LYST: variants seen among roughly 807,000 people sequenced by gnomAD.
LYST encodes the protein lysosomal-trafficking regulator.
A neutral mutation model predicts 413.6 loss-of-function variants in LYST; 192 were observed. The ratio of observed to expected loss-of-function variants is 0.46; its 90% CI spans 0.41 to 0.52. The LOEUF (loss-of-function observed/expected upper bound fraction) is 0.52. LYST is among the 20% of genes least tolerant of loss of function. LYST has a pLI of 0.00. For missense variants in LYST, 3,815 were observed against 4,499.9 expected, an observed-to-expected ratio of 0.85 and a Z score of 4.35; for synonymous variants, 1,525 against 1,567.3, an observed-to-expected ratio of 0.97 and a Z score of 0.64.
chr1:235,872,327 G>A (rs1680965138), intron 1 of LYST, among the ~76,000 whole-genome samples: 1 of 147,118 alleles, frequency 6.8e-6, no homozygotes, highest in Non-Finnish European at 1.5e-5. Flanking sequence ...AAAGTTTTAT[G>A]TAACATGGAA....
chr1:235,767,780 G>A (rs1336595589), intron 20 of LYST, among the ~76,000 whole-genome samples: 1 of 152,014 alleles, frequency 6.6e-6, no homozygotes, highest in Non-Finnish European at 1.5e-5. Flanking sequence ...CTGAAATCTG[G>A]CTCTTGCCTT....
At chr1:235,711,781 A>G (rs921490579) in intron 43 of LYST, among the ~76,000 whole-genome samples, 1 of 152,138 alleles carries the variant, frequency 6.6e-6, no homozygotes, top group African/African-American at 2.4e-5. Context: ...TTCAGAAAAA[A>G]GAATAAAGCA....
chr1:235,820,029 CAGTAA>C (rs1394906656), intron 3 of LYST, among the ~76,000 whole-genome samples: 1 of 152,208 alleles, frequency 6.6e-6, no homozygotes, highest in African/African-American at 2.4e-5. Context: ...AAACAACAAA[CAGTAA>C]AGTAACTTTC....
chr1:235,698,140 G>A (rs1661249649), intron 45 of LYST, among the ~76,000 whole-genome samples: 1 of 151,772 alleles, frequency 6.6e-6, no homozygotes, highest in Admixed American at 6.6e-5. Flanking sequence ...TTTTTTAATG[G>A]ATTCCCTCCT....
intron 20 of LYST, among the ~76,000 whole-genome samples, chr1:235,767,438 A>C (rs762460421): frequency 6.6e-6 from 1 of 152,102 alleles, no homozygotes; most frequent in South Asian, 2.1e-4. Context: ...AAAGACTAAG[A>C]CAGGAACATA....
intron 30 of LYST, among the ~76,000 whole-genome samples, chr1:235,741,829 C>T (rs1052548691): frequency 6.6e-6 from 1 of 152,132 alleles, no homozygotes; most frequent in Admixed American, 6.5e-5. Flanking sequence ...AGCAGCATCA[C>T]TCAAAATAGC....
chr1:235,706,661 C>A (rs190330362), intron 44 of LYST, among the ~76,000 whole-genome samples: 6 of 152,092 alleles, frequency 3.9e-5, no homozygotes, highest in Non-Finnish European at 5.9e-5. Context: ...CATTTTTTCT[C>A]CCTTACATAT....
chr1:235,708,869 T>A (rs1164282350), intron 44 of LYST, among the ~76,000 whole-genome samples: 9 of 152,162 alleles, frequency 5.9e-5, no homozygotes, highest in Admixed American at 5.9e-4. Flanking sequence ...ACCTAGTGAA[T>A]CATCAAACCT....
intron 27 of LYST, 97 bp downstream of exon 27, chr1:235,751,908 T>G: frequency 1.1e-6 from 1 of 886,894 alleles, no homozygotes; most frequent in South Asian, 1.5e-5. Context: ...GTTAAACTTT[T>G]AGTAAAAGAG....
At chr1:235,732,848 T>A (rs149940116) in intron 34 of LYST, among the ~76,000 whole-genome samples, 253 of 152,312 alleles carry the variant, frequency 1.7e-3, no homozygotes, top group African/African-American at 5.8e-3. Flanking sequence ...AAAAATAACT[T>A]TATTTGCTGA....
At chr1:235,680,394 A>C (rs1461483151) in intron 48 of LYST, among the ~76,000 whole-genome samples, 2 of 151,944 alleles carry the variant, frequency 1.3e-5, no homozygotes, top group African/African-American at 2.4e-5. Flanking sequence ...TAACAGGACT[A>C]TAGGTATGCA....
chr1:235,772,966 T>C (rs1668860840), intron 19 of LYST, among the ~76,000 whole-genome samples: 1 of 152,194 alleles, frequency 6.6e-6, no homozygotes, highest in African/African-American at 2.4e-5. Flanking sequence ...TAATTAACAT[T>C]ACAATGAAGT....
chr1:235,673,192 T>TA (rs1042271371), intron 50 of LYST, among the ~76,000 whole-genome samples: 1 of 152,162 alleles, frequency 6.6e-6, no homozygotes, highest in Non-Finnish European at 1.5e-5. Context: ...AAAGCAATGT[T>TA]AAAAAGAAAA....
In LYST at chr1:235,773,317, C is replaced by CAAA. The variant is rs145099272; in HGVS notation, c.5784+522_5784+524dup. On this transcript the variant is annotated intron_variant, in intron 19 of 52. Transcript: ENST00000389793. ...TGGGCAAAAGAGTAAAACTCCATTT[C>CAAA]AAAAAAAAAACAAAAACAAAAGCAA... is the stretch of plus-strand genomic sequence containing the variant. 1.6e-3 allele frequency among the ~76,000 whole-genome samples: 229 copies of CAAA among 141,156 alleles called. 2 individuals carry two copies. The highest frequency in any genetic ancestry group is 5.7e-3 in the African/African-American group (222 of 38,798). 92.6% of individuals were successfully genotyped at this position (141,156 alleles called of 152,430 possible). A position where few individuals can be genotyped will look rare whatever the true frequency, so the allele number is the denominator to read the frequency against.
At position 235,809,001 on chromosome 1, in the gene LYST, T is replaced by C. The variant is rs1415042364; in HGVS notation, c.1817A>G (p.Asn606Ser). 2 of 1,613,950 alleles carry C rather than the reference T, an allele frequency of 1.2e-6. No individual in the cohort carries two copies. The highest frequency in any genetic ancestry group is 1.7e-6 in the Non-Finnish European group (2 of 1,179,908). ...GATATTCAATATATGCTGCTGAAAA[T>C]TTTTCAGTGCTGGCAATTTAAAAGC... Reference protein sequence around the residue: ...LHAFKLPALKNFQQHILNILN... With the variant: ...LHAFKLPALKSFQQHILNILN... Residue 606 changes from asparagine (N) to serine (S), a missense_variant, in exon 5 of 53, where the codon AAT becomes AGT. By Grantham distance (46) the Asn-to-Ser change is conservative (BLOSUM62 1). Around this residue, in one of 4 missense-constraint regions of LYST, gnomAD observed 1,648 missense variants for 1,810.3 expected, o/e 0.91. Coordinates refer to ENST00000389793, the MANE Select transcript of LYST (RefSeq NM_000081.4). This position sits in a 1 kb window ranked among gnomAD's most constrained non-coding sequence, Gnocchi z 4.0.
chr1:235,727,390 C>G (rs1024393250), intron 38 of LYST, among the ~76,000 whole-genome samples: 3 of 152,028 alleles, frequency 2.0e-5, no homozygotes, highest in Admixed American at 2.0e-4. Flanking sequence ...TCCCAAAGTG[C>G]TGGGATTACA....
At chr1:235,729,287 A>T (rs1003311283) in intron 37 of LYST, among the ~76,000 whole-genome samples, 1 of 152,202 alleles carries the variant, frequency 6.6e-6, no homozygotes, top group Non-Finnish European at 1.5e-5. Context: ...GATATCAACA[A>T]TTTTTCACTT....
chr1:235,775,105 G>C lies in LYST; in HGVS notation c.5461-19C>G, dbSNP rs1669101211. On this transcript the variant is annotated intron_variant, in intron 17 of 52. Transcript: ENST00000389793. ...CAACAACCTAAAAAAAAAAATGGGTGGATATAGTTTTCTCCCAATTTGCTG... is the reference window on the plus strand; with the variant it reads ...CAACAACCTAAAAAAAAAAATGGGTCGATATAGTTTTCTCCCAATTTGCTG... 1.3e-6 allele frequency: 2 copies of C among 1,591,424 alleles called. No individual in the cohort carries two copies. Among genetic ancestry groups the C allele is most frequent in the Admixed American group, 1.7e-5 (1 of 59,860 alleles).
chr1:235,814,762 A>C (rs983047923), intron 3 of LYST, among the ~76,000 whole-genome samples: 2 of 152,150 alleles, frequency 1.3e-5, no homozygotes, highest in Non-Finnish European at 2.9e-5. Flanking sequence ...CCTGGTTGTG[A>C]AAAGGCTCAG....
Sources: gnomAD v4.1 joint callset for allele counts (sites outside exome capture counted in the v4.1 genomes callset) on GRCh38, gnomAD v4.1.1 for gene constraint, gnomAD v4.1.1 regional missense constraint, Gnocchi (gnomAD v3.1) non-coding constraint, MANE v1.5 for transcripts, NCBI Gene and HGNC (gene_info 2026-07-23, HGNC 2026-07-21) for gene names.